Variants in ARHGAP30 observed in about 807,000 individuals in gnomAD.
ARHGAP30 encodes rho GTPase-activating protein 30.
Under a neutral mutation model 72.0 loss-of-function variants are expected in ARHGAP30, and 23 were observed. The ratio of observed to expected loss-of-function variants is 0.32; its 90% CI spans 0.23 to 0.45. The LOEUF (loss-of-function observed/expected upper bound fraction) is 0.45, where lower values mean the gene tolerates loss of function less well. ARHGAP30 is among the 20% of genes least tolerant of loss of function. The pLI is 1.00. For synonymous variants in ARHGAP30, 576 were observed against 528.2 expected (o/e 1.09, Z -1.24); for missense variants, 1,319 against 1,383.4 (o/e 0.95, Z 0.74).
chr1:161,052,644 A>G lies in ARHGAP30; in HGVS notation c.818T>C (p.Ile273Thr), dbSNP rs1219119986. The G allele has an allele frequency of 6.2e-7, 1 of 1,613,766 alleles. No homozygotes were observed. The highest frequency in any genetic ancestry group is 8.5e-7 in the Non-Finnish European group (1 of 1,179,940). Residue 273 changes from isoleucine (I) to threonine (T), a missense_variant, in exon 7 of 12, where the codon ATC becomes ACC. By Grantham distance (89) the Ile-to-Thr change is moderately conservative (BLOSUM62 -1). Around this residue, in one of 2 missense-constraint regions of ARHGAP30, gnomAD observed 1,097 missense variants for 1,045.2 expected, o/e 1.05. Transcript: ENST00000368013. ...PPQMRPYHTI[I>T]EIAEHKRKGS... ...GCCTTACTTGTGCTCTGCAATCTCG[A>G]TGATAGTATGGTAGGGCCGCATCTG...
rs933962888 is a variant in ARHGAP30, at chr1:161,049,612, C to A, written c.1498G>T (p.Asp500Tyr). 1.2e-6 allele frequency: 2 copies of A among 1,613,986 alleles called. No homozygotes were observed. Among genetic ancestry groups the A allele is most frequent in the Admixed American group, 3.3e-5 (2 of 60,004 alleles). Residue 500 changes from aspartate (D) to tyrosine (Y), a missense_variant, in exon 11 of 12, where the codon GAC becomes TAC. By Grantham distance (160) the Asp-to-Tyr change is radical. Coordinates refer to ENST00000368013, the MANE Select transcript of ARHGAP30 (RefSeq NM_001025598.2). The stretch of plus-strand genomic sequence containing the variant: ...TCCTGCACCTCCTGGGACAGCGAGT[C>A]CTCCAGGGCAGGAGCCAAGTCGTCT... ...GPDDLAPALE[D>Y]SLSQEVQDSF...
rs1475059983 is a variant in ARHGAP30, at chr1:161,056,401, T to C, written c.332A>G (p.Tyr111Cys). The C allele has an allele frequency of 1.2e-6, 2 of 1,613,828 alleles. No homozygotes were observed. Among genetic ancestry groups the C allele is most frequent in the South Asian group, 2.2e-5 (2 of 91,002 alleles). The change falls in exon 3 of 12, where the codon TAT becomes TGT. Residue 111 changes from tyrosine to cysteine, a missense_variant. Transcript: ENST00000368013. ...CTCTCAACTCACAGCAAACTTGTCA[T>C]AGAGCCGGTAAGTGAGCAGGGGATC... ...LPDPLLTYRLYDKFAEAVGVQ... is the reference protein window; with the variant it reads ...LPDPLLTYRLCDKFAEAVGVQ...
At position 161,055,841 on chromosome 1, in the gene ARHGAP30, A is replaced by T. The variant is rs1461831625; in HGVS notation, c.345+547T>A. ...ATAAAATAAAATAAAATAAAATAAA[A>T]TAAATAAAATAAAATAAATAAAATA... On this transcript the variant is annotated intron_variant, in intron 3 of 11. Transcript: ENST00000368013. Among the ~76,000 whole-genome samples the T allele has an allele frequency of 1.0e-3, 30 of 29,052 alleles. No individual in the cohort carries two copies. In the South Asian group the frequency reaches 0.014, roughly 14 times the overall value. 19.1% of individuals were successfully genotyped at this position (29,052 alleles called of 152,430 possible). A position where few individuals can be genotyped will look rare whatever the true frequency, so the allele number is the denominator to read the frequency against.
intron 1 of ARHGAP30, among the ~76,000 whole-genome samples, chr1:161,060,955 C>T (rs1408753175): frequency 6.6e-5 from 10 of 151,892 alleles, no homozygotes; most frequent in African/African-American, 1.4e-4. Flanking sequence ...TCGCCCGCCT[C>T]GGCCTCCCAA....
At chr1:161,055,763 A>G (rs1415105852) in intron 3 of ARHGAP30, among the ~76,000 whole-genome samples, 1 of 146,548 alleles carries the variant, frequency 6.8e-6, no homozygotes, top group African/African-American at 2.6e-5. Flanking sequence ...CAGCCTGGGC[A>G]ACAGAGTGAG....
At chr1:161,057,621 G>A (rs1289884776) in intron 2 of ARHGAP30, among the ~76,000 whole-genome samples, 2 of 152,138 alleles carry the variant, frequency 1.3e-5, no homozygotes, top group Admixed American at 6.5e-5. Context: ...TTGGGTGACA[G>A]AGTGAGACCC....
At chr1:161,060,847 G>A (rs1040253445) in intron 1 of ARHGAP30, among the ~76,000 whole-genome samples, 2 of 149,590 alleles carry the variant, frequency 1.3e-5, no homozygotes, top group South Asian at 2.1e-4. Context: ...AATTACAGAC[G>A]CCCGCCGCTA....
At position 161,049,261 on chromosome 1, in the gene ARHGAP30, C is replaced by T. The variant is rs745808932; in HGVS notation, c.1760G>A (p.Ser587Asn). 4 of 1,614,126 alleles carry T rather than the reference C, an allele frequency of 2.5e-6. No homozygotes were observed. The highest frequency in any genetic ancestry group is 1.7e-5 in the Admixed American group (1 of 60,012). ...GCCAGCGGAGTCCAGGGAACAGCAG[C>T]TGGGGGCCAAGACAAACTGTGCCTC... is the stretch of plus-strand genomic sequence containing the variant. ...LDEAQFVLAP[S>N]CCSLDSAGPR... The change falls in exon 12 of 12, where the codon AGC (serine) becomes AAC (asparagine). Residue 587 changes from serine (S) to asparagine (N), a missense_variant. Ser to Asn is a conservative substitution (Grantham distance 46). Transcript: ENST00000368013.
At chr1:161,059,806 AC>A in intron 1 of ARHGAP30, 90 bp from the exon 2 acceptor site, 1 of 1,098,828 alleles carries the variant, frequency 9.1e-7, no homozygotes, top group Non-Finnish European at 1.3e-6. Flanking sequence ...ATTTGGGGAG[AC>A]CACGACGAGC....
At chr1:161,050,680 G>A (rs987666303) in intron 10 of ARHGAP30, among the ~76,000 whole-genome samples, 2 of 145,584 alleles carry the variant, frequency 1.4e-5, no homozygotes, top group Non-Finnish European at 3.0e-5. Context: ...TGCTCTTGTC[G>A]CCCAGGCTAG....
intron 2 of ARHGAP30, among the ~76,000 whole-genome samples, chr1:161,057,373 A>G (rs1294961047): frequency 6.6e-6 from 1 of 152,184 alleles, no homozygotes; most frequent in African/African-American, 2.4e-5. Flanking sequence ...GGAAAGGGGG[A>G]AAAAATGGGC....
chr1:161,059,338 T>G (rs7556488), intron 2 of ARHGAP30, among the ~76,000 whole-genome samples: 1 of 148,678 alleles, frequency 6.7e-6, no homozygotes, highest in African/African-American at 2.5e-5. Flanking sequence ...TCAAGTTTTT[T>G]TTTTTTTTTT....
At chr1:161,051,225 C>A (rs970403327) in intron 10 of ARHGAP30, 89 bp downstream of exon 10, 2 of 1,493,432 alleles carry the variant, frequency 1.3e-6, no homozygotes, top group Admixed American at 2.3e-5. Context: ...GAGGCCTCTG[C>A]CCTTCCTAGG....
At chr1:161,066,522 T>C (rs1205106041) in intron 1 of ARHGAP30, among the ~76,000 whole-genome samples, 4 of 151,196 alleles carry the variant, frequency 2.6e-5, no homozygotes, top group Non-Finnish European at 5.9e-5. Flanking sequence ...GTGGTGCCTG[T>C]AGTCCCAGCT....
In ARHGAP30 at chr1:161,049,588, C is replaced by G; in HGVS notation, c.1522G>C (p.Asp508His). Reference sequence around the variant, plus strand: ...GAGTCCTCTAGGAAGGAGAAGGAGTCCTGCACCTCCTGGGACAGCGAGTCC... The same window carrying G: ...GAGTCCTCTAGGAAGGAGAAGGAGTGCTGCACCTCCTGGGACAGCGAGTCC... ...LEDSLSQEVQ[D>H]SFSFLEDSSS... The change falls in exon 11 of 12, where the codon GAC becomes CAC. Residue 508 changes from aspartate (D) to histidine (H), a missense_variant. Physicochemically the swap from Asp to His is moderately conservative, Grantham distance 81. Coordinates refer to ENST00000368013, the MANE Select transcript of ARHGAP30 (RefSeq NM_001025598.2). 1 of 1,614,104 alleles carries G rather than the reference C, an allele frequency of 6.2e-7. No homozygotes were observed. The highest frequency in any genetic ancestry group is 8.5e-7 in the Non-Finnish European group (1 of 1,179,992).
rs757975043 is a variant in ARHGAP30, at chr1:161,056,372, C to T, written c.345+16G>A. On this transcript the variant is annotated intron_variant, in intron 3 of 11. Transcript: ENST00000368013. ...CCCCTGAGCCCTGTCTTCCACCCCT[C>T]GGCCTCTCAACTCACAGCAAACTTG... is the stretch of plus-strand genomic sequence containing the variant. 5 of 1,611,966 alleles carry T rather than the reference C, an allele frequency of 3.1e-6. No homozygotes were observed. Among genetic ancestry groups the T allele is most frequent in the Admixed American group, 1.7e-5 (1 of 59,894 alleles).
In ARHGAP30 at chr1:161,053,259, A is replaced by G; in HGVS notation, c.663T>C (p.Ser221=). Residue 221 remains serine, a splice_region_variant and synonymous_variant, in exon 6 of 12, where the codon TCT becomes TCC. Coordinates refer to ENST00000368013, the MANE Select transcript of ARHGAP30 (RefSeq NM_001025598.2). ...VDQLFGGAAL[S]GGEVESGWRS... is the part of the protein sequence containing the mutation. Reference sequence around the variant, plus strand: ...GTGGAGGGCAGGAAGGACACTGACCAGAGAGGGCAGCACCCCCAAAGAGCT... The same window carrying G: ...GTGGAGGGCAGGAAGGACACTGACCGGAGAGGGCAGCACCCCCAAAGAGCT... The G allele has an allele frequency of 6.2e-7, 1 of 1,613,896 alleles. No homozygotes were observed. Among genetic ancestry groups the G allele is most frequent in the Non-Finnish European group, 8.5e-7 (1 of 1,179,990 alleles).
At chr1:161,051,237 T>A in intron 10 of ARHGAP30, 77 bp downstream of exon 10, 1 of 1,500,682 alleles carries the variant, frequency 6.7e-7, no homozygotes, top group Non-Finnish European at 8.8e-7. Flanking sequence ...CTTCCTAGGG[T>A]GGATCTTCCA....
At chr1:161,049,356 T>G in intron 11 of ARHGAP30, 22 bp from the exon 12 acceptor site, 1 of 1,605,766 alleles carries the variant, frequency 6.2e-7, no homozygotes, top group Non-Finnish European at 8.5e-7. Context: ...GCATTGTGAC[T>G]CAGGACCAGG....
Sources: gnomAD v4.1 joint callset for allele counts (sites outside exome capture counted in the v4.1 genomes callset) on GRCh38, gnomAD v4.1.1 for gene constraint, gnomAD v4.1.1 regional missense constraint, MANE v1.5 for transcripts, NCBI Gene and HGNC (gene_info 2026-07-23, HGNC 2026-07-21) for gene names.